TLCD3A: variants seen among roughly 807,000 people sequenced by gnomAD.
TLCD3A encodes the protein TLC domain containing 3A.
TLCD3A carries 17 observed loss-of-function variants against 29.9 expected under a neutral mutation model. The ratio of observed to expected loss-of-function variants is 0.57; its 90% CI spans 0.39 to 0.85. The LOEUF is 0.85. TLCD3A is among the 40% of genes least tolerant of loss of function. The pLI is 0.00. For synonymous variants in TLCD3A, 143 were observed against 147.7 expected, an observed-to-expected ratio of 0.97 and a Z score of 0.23; for missense variants, 332 against 350.8, an observed-to-expected ratio of 0.95 and a Z score of 0.43.
chr17:738,869 A>G (rs1206421982), intron 3 of TLCD3A, among the ~76,000 whole-genome samples: 2 of 151,902 alleles, frequency 1.3e-5, no homozygotes. Context: ...ACCCGGCCCC[A>G]ACATTCTTTT....
intron 2 of TLCD3A, among the ~76,000 whole-genome samples, chr17:734,547 C>T (rs111604591): frequency 6.6e-6 from 1 of 152,242 alleles, no homozygotes; most frequent in African/African-American, 2.4e-5. Flanking sequence ...CTCCTGGGCT[C>T]CAACGATCCT....
chr17:738,802 A>G (rs991006015), intron 3 of TLCD3A, among the ~76,000 whole-genome samples: 2 of 151,836 alleles, frequency 1.3e-5, no homozygotes, highest in African/African-American at 4.8e-5. Flanking sequence ...CTTGGACTCA[A>G]GTGATCCTCC....
At chr17:733,863 A>C (rs1054968296) in intron 2 of TLCD3A, among the ~76,000 whole-genome samples, 1 of 152,072 alleles carries the variant, frequency 6.6e-6, no homozygotes, top group East Asian at 1.9e-4. Flanking sequence ...CTTTCTCCCA[A>C]GTTGAAGGAC....
rs1974251055 is a variant in TLCD3A, at chr17:741,385, C to T, written c.589C>T (p.Pro197Ser). ...CCTTTCCTGCCGGATCCTTCTCTTC[C>T]CCTTCATGTACTGGTCCTATGGCCG... ...TFLSCRILLF[P>S]FMYWSYGRQQ... The change falls in exon 5 of 5, where the codon CCC (proline) becomes TCC (serine). Residue 197 changes from proline to serine, a missense_variant. Physicochemically the swap from Pro to Ser is moderately conservative, Grantham distance 74 (BLOSUM62 -1). Transcript: ENST00000308278. 2 of 1,614,118 alleles carry T rather than the reference C, an allele frequency of 1.2e-6. No individual in the cohort carries two copies. Among genetic ancestry groups the T allele is most frequent in the Non-Finnish European group, 1.7e-6 (2 of 1,180,048 alleles).
intron 2 of TLCD3A, among the ~76,000 whole-genome samples, chr17:736,597 A>G (rs1171209381): frequency 6.6e-6 from 1 of 152,174 alleles, no homozygotes; most frequent in African/African-American, 2.4e-5. Context: ...CCTGGTACCT[A>G]ACCGCTGTAA....
chr17:740,657 T>C (rs1466313748), intron 4 of TLCD3A, 57 bp downstream of exon 4: 1 of 1,516,904 alleles, frequency 6.6e-7, no homozygotes, highest in East Asian at 2.3e-5. Context: ...CATGTATGAA[T>C]GAAATGACAG....
Position 737,969 on chromosome 17 carries a change from T to G in TLCD3A, c.330T>G (p.Leu110=). The G allele has an allele frequency of 6.2e-7, 1 of 1,614,104 alleles. No individual in the cohort carries two copies. The highest frequency in any genetic ancestry group is 8.5e-7 in the Non-Finnish European group (1 of 1,180,034). The part of the protein sequence containing the change: ...RDQNRAPSLT[L]RNFLSRNRLM... ...AGAACCGTGCGCCCTCCCTCACTCT[T>G]CGAAACTTCCTAAGTCGAAACCGCC... The change falls in exon 3 of 5, where the codon CTT becomes CTG. Residue 110 remains leucine (L), a synonymous_variant. Transcript: ENST00000308278.
intron 3 of TLCD3A, among the ~76,000 whole-genome samples, chr17:738,887 C>T (rs547935751): frequency 7.7e-4 from 117 of 152,204 alleles, no homozygotes; most frequent in African/African-American, 2.6e-3. Context: ...TTTTAACAAA[C>T]CCCCAGCGCT....
intron 4 of TLCD3A, 111 bp from the exon 5 acceptor site, chr17:741,190 T>C: frequency 1.8e-6 from 2 of 1,111,998 alleles, no homozygotes; most frequent in African/African-American, 3.1e-5. Context: ...GCCAAGGTCT[T>C]GATGAGCACC....
rs1348794836 is a variant in TLCD3A, at chr17:732,730, C to A, written c.83C>A (p.Pro28His). The change falls in exon 1 of 5, where the codon CCC becomes CAC. Residue 28 changes from proline (P) to histidine (H), a missense_variant. Transcript: ENST00000308278. ...LCTWALRRSQPGWSRTDCVMI... is the reference protein window; with the variant it reads ...LCTWALRRSQHGWSRTDCVMI... The stretch of plus-strand genomic sequence containing the variant: ...ACCTGGGCGCTGCGCCGCTCCCAGC[C>A]CGGATGGAGCCGCACCGACTGCGTG... 10 of 1,444,570 alleles carry A rather than the reference C, an allele frequency of 6.9e-6. No individual in the cohort carries two copies. Among genetic ancestry groups the A allele is most frequent in the South Asian group, 1.3e-5 (1 of 74,864 alleles). 89.5% of individuals were successfully genotyped at this position (1,444,570 alleles called of 1,614,324 possible).
intron 1 of TLCD3A, 124 bp from the exon 2 acceptor site, chr17:732,974 C>A: frequency 1.4e-6 from 2 of 1,395,936 alleles, no homozygotes; most frequent in Admixed American, 2.1e-5. Context: ...GGCCGATGAG[C>A]CTCCGGAGCC....
At chr17:734,969 AC>A (rs1390667170) in intron 2 of TLCD3A, among the ~76,000 whole-genome samples, 4 of 152,282 alleles carry the variant, frequency 2.6e-5, no homozygotes, top group Admixed American at 1.3e-4. Context: ...GGTGTGAGCC[AC>A]CGTGCCCAGC....
intron 3 of TLCD3A, among the ~76,000 whole-genome samples, chr17:739,597 C>T (rs986557290): frequency 6.6e-6 from 1 of 152,238 alleles, no homozygotes; most frequent in Non-Finnish European, 1.5e-5. Flanking sequence ...CTCAGCCTCC[C>T]AAAGTGCTGG....
chr17:741,963 C>T lies in TLCD3A; in HGVS notation c.*393C>T. ...ACCTTCCAAACCACTCAGGACAGTA[C>T]CCGTGGCACTGGGCCCGCAGAAGCA... On this transcript the variant is annotated 3_prime_UTR_variant, in exon 5 of 5. Transcript: ENST00000308278. The T allele has an allele frequency of 4.3e-6, 1 of 234,098 alleles. No homozygotes were observed. The highest frequency in any genetic ancestry group is 8.5e-6 in the Non-Finnish European group (1 of 118,236). 14.5% of individuals were successfully genotyped at this position (234,098 alleles called of 1,614,324 possible).
At position 742,925 on chromosome 17, in the gene TLCD3A, TAA is replaced by T. The variant is rs944175232; in HGVS notation, c.*1358_*1359del. ...TTTTTTTTAACTATCAGTGTATCTT[TAA>T]AAGTCACCCTTACGGTGATTAAATT... is the stretch of plus-strand genomic sequence containing the variant. On this transcript the variant is annotated 3_prime_UTR_variant, in exon 5 of 5. Transcript: ENST00000308278. 2.0e-5 allele frequency: 3 copies of T among 152,304 alleles called. No homozygotes were observed. The highest frequency in any genetic ancestry group is 7.2e-5 in the African/African-American group (3 of 41,456). The allele number at this position is 152,304 out of a possible 1,614,324, so 9.4% of individuals were successfully genotyped here. A position where few individuals can be genotyped will look rare whatever the true frequency, so the allele number is the denominator to read the frequency against.
chr17:733,014 G>A, intron 1 of TLCD3A, 84 bp from the exon 2 acceptor site: 1 of 1,466,062 alleles, frequency 6.8e-7, no homozygotes, highest in Non-Finnish European at 9.3e-7. Context: ...CGGCTGGGGA[G>A]AGTCAGGCCG....
At chr17:736,546 G>A (rs1404788366) in intron 2 of TLCD3A, among the ~76,000 whole-genome samples, 1 of 152,154 alleles carries the variant, frequency 6.6e-6, no homozygotes, top group Non-Finnish European at 1.5e-5. Context: ...AGCCCCTTTG[G>A]ATAAGTAAAT....
intron 1 of TLCD3A, 83 bp downstream of exon 1, chr17:732,852 A>G (rs1316056519): frequency 2.2e-6 from 3 of 1,362,682 alleles, no homozygotes; most frequent in Non-Finnish European, 1.9e-6. Flanking sequence ...AGGGCGGAAA[A>G]GGGGGGCGGC....
intron 2 of TLCD3A, among the ~76,000 whole-genome samples, chr17:736,823 T>C (rs2144113888): frequency 6.6e-6 from 1 of 150,790 alleles, no homozygotes; most frequent in East Asian, 2.0e-4. Context: ...GCCCAGCTAA[T>C]TTTTGTATTT....
Sources: allele counts gnomAD v4.1 joint callset (sites outside exome capture counted in the v4.1 genomes callset), GRCh38; gene constraint gnomAD v4.1.1; transcripts MANE v1.5; gene names NCBI Gene and HGNC (gene_info 2026-07-23, HGNC 2026-07-21).